STX18: variants seen among roughly 807,000 people sequenced by gnomAD.
STX18 encodes the protein syntaxin-18.
Under a neutral mutation model 50.1 loss-of-function variants are expected in STX18, and 40 were observed. The ratio of observed to expected loss-of-function variants is 0.80; its 90% CI spans 0.62 to 1.04. The LOEUF is 1.04. STX18 is among the 50% of genes least tolerant of loss of function. The pLI, the probability that STX18 is intolerant of heterozygous loss-of-function variation, is 0.00. For missense variants in STX18, 410 were observed against 415.8 expected, an observed-to-expected ratio of 0.99 and a Z score of 0.12; for synonymous variants, 158 against 151.8, an observed-to-expected ratio of 1.04 and a Z score of -0.30.
chr4:4,520,157 T>C (rs1392801095), intron 1 of STX18, among the ~76,000 whole-genome samples: 1 of 152,206 alleles, frequency 6.6e-6, no homozygotes, highest in Non-Finnish European at 1.5e-5. Context: ...AGATACATTT[T>C]ATTGCTTTTC....
At chr4:4,469,341 A>C (rs183688420) in intron 2 of STX18, among the ~76,000 whole-genome samples, 3 of 152,228 alleles carry the variant, frequency 2.0e-5, no homozygotes, top group Non-Finnish European at 2.9e-5. Flanking sequence ...CACAGAACCT[A>C]AACTATACTA....
intron 5 of STX18, among the ~76,000 whole-genome samples, chr4:4,438,979 C>A (rs1286475103): frequency 6.9e-6 from 1 of 145,142 alleles, no homozygotes; most frequent in Admixed American, 6.9e-5. Flanking sequence ...CACATGTATA[C>A]CCACACATAT....
At chr4:4,538,719 G>GA (rs1443709479) in intron 1 of STX18, among the ~76,000 whole-genome samples, 1 of 151,998 alleles carries the variant, frequency 6.6e-6, no homozygotes, top group African/African-American at 2.4e-5. Flanking sequence ...AATGGAAAAC[G>GA]AGAGTCAGAC....
intron 1 of STX18, among the ~76,000 whole-genome samples, chr4:4,519,963 T>C (rs1231978273): frequency 6.6e-6 from 1 of 152,210 alleles, no homozygotes; most frequent in African/African-American, 2.4e-5. Context: ...ATTTATCTTA[T>C]GATGCAGTAA....
chr4:4,462,143 T>A (rs1304774913), intron 2 of STX18, among the ~76,000 whole-genome samples: 4 of 152,204 alleles, frequency 2.6e-5, no homozygotes, highest in African/African-American at 9.6e-5. Context: ...TGTGTTGATC[T>A]GACTCCTGCC....
chr4:4,509,534 A>T (rs577086209), intron 1 of STX18, among the ~76,000 whole-genome samples: 2 of 152,254 alleles, frequency 1.3e-5, no homozygotes, highest in East Asian at 3.9e-4. Flanking sequence ...ACAAAAATTT[A>T]ACTTGGAGTC....
intron 1 of STX18, among the ~76,000 whole-genome samples, chr4:4,486,050 G>C (rs891189633): frequency 6.6e-6 from 1 of 152,172 alleles, no homozygotes; most frequent in Non-Finnish European, 1.5e-5. Context: ...CTCCCAGCTG[G>C]TTCTCTGACT....
At chr4:4,531,297 A>C (rs1731087092) in intron 1 of STX18, among the ~76,000 whole-genome samples, 1 of 152,236 alleles carries the variant, frequency 6.6e-6, no homozygotes, top group African/African-American at 2.4e-5. Context: ...TGTTGACAAC[A>C]CTTTTTCTTC....
chr4:4,487,298 A>G (rs952734260), intron 1 of STX18, among the ~76,000 whole-genome samples: 1 of 152,200 alleles, frequency 6.6e-6, no homozygotes, highest in Non-Finnish European at 1.5e-5. Flanking sequence ...GACTGAGTGC[A>G]CCATGAGAAC....
At chr4:4,484,737 T>C (rs1728626170) in intron 1 of STX18, among the ~76,000 whole-genome samples, 1 of 152,214 alleles carries the variant, frequency 6.6e-6, no homozygotes, top group African/African-American at 2.4e-5. Flanking sequence ...CCTACCTGCC[T>C]AACAACCCAA....
At chr4:4,503,839 T>C in intron 1 of STX18, among the ~76,000 whole-genome samples, 1 of 152,288 alleles carries the variant, frequency 6.6e-6, no homozygotes, top group South Asian at 2.1e-4. Flanking sequence ...TCAGATTCCA[T>C]GAGATATATT....
At chr4:4,514,812 A>T (rs1486645050) in intron 1 of STX18, among the ~76,000 whole-genome samples, 2 of 151,814 alleles carry the variant, frequency 1.3e-5, no homozygotes, top group Non-Finnish European at 2.9e-5. Context: ...CTTTCTTTGG[A>T]TCAGATAAGG....
At chr4:4,476,569 ATTG>A (rs1728185620) in intron 1 of STX18, among the ~76,000 whole-genome samples, 1 of 152,198 alleles carries the variant, frequency 6.6e-6, no homozygotes, top group Non-Finnish European at 1.5e-5. Context: ...TCCACTGTAT[ATTG>A]TTATTTCACT....
At chr4:4,426,559 G>A (rs1725250240) in intron 7 of STX18, 1 of 152,168 alleles carries the variant, frequency 6.6e-6, no homozygotes, top group Non-Finnish European at 1.5e-5. Context: ...GAGTTGCAGG[G>A]TCTCCCCAGC....
chr4:4,439,850 C>T (rs984759045), intron 5 of STX18, among the ~76,000 whole-genome samples: 1 of 152,120 alleles, frequency 6.6e-6, no homozygotes, highest in Non-Finnish European at 1.5e-5. Flanking sequence ...ATTTCACCTA[C>T]TCAGAGAGGC....
intron 2 of STX18, among the ~76,000 whole-genome samples, chr4:4,470,064 G>A (rs1046606123): frequency 7.9e-5 from 12 of 152,248 alleles, no homozygotes; most frequent in East Asian, 7.7e-4. Context: ...GCCAGCCCAC[G>A]AGAATGCAAA....
intron 1 of STX18, among the ~76,000 whole-genome samples, chr4:4,497,229 C>T (rs941814448): frequency 3.3e-5 from 5 of 152,174 alleles, no homozygotes; most frequent in Admixed American, 1.3e-4. Context: ...GCTCGACCTC[C>T]AATTTGCTCT....
intron 9 of STX18, among the ~76,000 whole-genome samples, chr4:4,421,404 C>T (rs543020672): frequency 6.6e-6 from 1 of 152,242 alleles, no homozygotes; most frequent in African/African-American, 2.4e-5. Context: ...GCATGTGCCA[C>T]CACGCCTGGC....
intron 2 of STX18, among the ~76,000 whole-genome samples, chr4:4,461,021 C>A (rs1456834443): frequency 1.3e-5 from 2 of 152,176 alleles, no homozygotes; most frequent in Non-Finnish European, 2.9e-5. Context: ...GGTACCAACT[C>A]AGTGAATATG....
Sources: allele counts gnomAD v4.1 joint callset (sites outside exome capture counted in the v4.1 genomes callset), GRCh38; gene constraint gnomAD v4.1.1; transcripts MANE v1.5; gene names NCBI Gene and HGNC (gene_info 2026-07-23, HGNC 2026-07-21).